Variants in NRXN3 observed in about 807,000 individuals in gnomAD.
The protein encoded by NRXN3 is neurexin 3, also known as neurexin III.
NRXN3 carries 32 observed loss-of-function variants against 137.6 expected under a neutral mutation model. The observed-to-expected ratio is 0.23, with a 90% confidence interval of 0.18 to 0.31. The LOEUF is 0.31. NRXN3 is among the 10% of genes least tolerant of loss of function. The pLI is 1.00. For missense variants in NRXN3, 1,574 were observed against 2,062.5 expected, an observed-to-expected ratio of 0.76 and a Z score of 4.59; for synonymous variants, 798 against 784.5, an observed-to-expected ratio of 1.02 and a Z score of -0.29.
intron 15 of NRXN3, among the ~76,000 whole-genome samples, chr14:79,344,127 C>T (rs938126971): frequency 3.3e-5 from 5 of 152,180 alleles, no homozygotes; most frequent in African/African-American, 1.2e-4. Flanking sequence ...TTTGAAGACT[C>T]CAAGAGGAAT....
chr14:78,489,523 A>G (rs995819794), intron 4 of NRXN3, among the ~76,000 whole-genome samples: 1 of 152,190 alleles, frequency 6.6e-6, no homozygotes, highest in Non-Finnish European at 1.5e-5. Context: ...CTCTGTGGGC[A>G]TAACTACTGT....
At chr14:78,688,015 T>C (rs1347632634) in intron 6 of NRXN3, among the ~76,000 whole-genome samples, 1 of 152,236 alleles carries the variant, frequency 6.6e-6, no homozygotes, top group Non-Finnish European at 1.5e-5. Flanking sequence ...GTGAAATCCA[T>C]ATTTCTTTTT....
chr14:78,251,102 C>T (rs1288925785), intron 2 of NRXN3, among the ~76,000 whole-genome samples: 3 of 152,184 alleles, frequency 2.0e-5, no homozygotes. Context: ...AGCACAGGTG[C>T]ACCACACCGG....
At chr14:79,515,586 C>G (rs554705947) in intron 16 of NRXN3, among the ~76,000 whole-genome samples, 1 of 141,666 alleles carries the variant, frequency 7.1e-6, no homozygotes, top group African/African-American at 3.1e-5. Flanking sequence ...CATGTGCATA[C>G]CCCTTAGCCT....
intron 19 of NRXN3, among the ~76,000 whole-genome samples, chr14:79,771,980 C>T (rs1361228531): frequency 3.0e-5 from 4 of 133,350 alleles, no homozygotes; most frequent in African/African-American, 1.1e-4. Context: ...TATACACCAA[C>T]AACAGACAAA....
intron 15 of NRXN3, among the ~76,000 whole-genome samples, chr14:79,290,960 A>G (rs1013171737): frequency 2.6e-5 from 4 of 152,240 alleles, no homozygotes; most frequent in Non-Finnish European, 5.9e-5. Flanking sequence ...TACATTTAAA[A>G]GTTTGAAAAG....
intron 4 of NRXN3, among the ~76,000 whole-genome samples, chr14:78,539,303 G>A (rs2096566174): frequency 6.6e-6 from 1 of 152,144 alleles, no homozygotes; most frequent in Non-Finnish European, 1.5e-5. Flanking sequence ...CCTGTTATTG[G>A]TCTATTCAGA....
chr14:79,796,945 CA>C (rs762389040), intron 19 of NRXN3, among the ~76,000 whole-genome samples: 9 of 152,204 alleles, frequency 5.9e-5, no homozygotes, highest in Non-Finnish European at 8.8e-5. Context: ...GGCAACTAAT[CA>C]GTGTTTTCTG....
intron 19 of NRXN3, among the ~76,000 whole-genome samples, chr14:79,778,172 T>C (rs2099103219): frequency 6.6e-6 from 1 of 152,054 alleles, no homozygotes; most frequent in African/African-American, 2.4e-5. Flanking sequence ...ATCCCAACAC[T>C]TTGGGAGGCC....
intron 1 of NRXN3, among the ~76,000 whole-genome samples, chr14:78,188,395 G>A (rs1042451353): frequency 6.6e-6 from 1 of 152,178 alleles, no homozygotes; most frequent in Non-Finnish European, 1.5e-5. Context: ...TGGAAAGACT[G>A]ATAGGGCATT....
chr14:79,417,734 C>G (rs901136545), intron 15 of NRXN3, among the ~76,000 whole-genome samples: 1 of 152,010 alleles, frequency 6.6e-6, no homozygotes, highest in South Asian at 2.1e-4. Flanking sequence ...TAGAGACATA[C>G]AGTATTTCAT....
At chr14:78,948,820 C>G (rs1276743928) in intron 10 of NRXN3, among the ~76,000 whole-genome samples, 2 of 152,012 alleles carry the variant, frequency 1.3e-5, no homozygotes, top group African/African-American at 2.4e-5. Context: ...TCACCCTAGT[C>G]CTCTTTCAGT....
chr14:79,596,737 C>T (rs1486472093), intron 16 of NRXN3, among the ~76,000 whole-genome samples: 1 of 151,826 alleles, frequency 6.6e-6, no homozygotes, highest in Non-Finnish European at 1.5e-5. Flanking sequence ...TGTCTCTGGT[C>T]GGGGAGGGGT....
At chr14:79,385,058 G>A (rs369758513) in intron 15 of NRXN3, among the ~76,000 whole-genome samples, 1 of 151,886 alleles carries the variant, frequency 6.6e-6, no homozygotes, top group Admixed American at 6.6e-5. Flanking sequence ...TAATTTAGAT[G>A]GTGTCTTTTT....
At chr14:78,464,985 A>G (rs1264058512) in intron 4 of NRXN3, among the ~76,000 whole-genome samples, 1 of 152,164 alleles carries the variant, frequency 6.6e-6, no homozygotes, top group Non-Finnish European at 1.5e-5. Flanking sequence ...TTGATTCTAA[A>G]GAGTTTGTTT....
intron 4 of NRXN3, among the ~76,000 whole-genome samples, chr14:78,594,409 C>A (rs2097142647): frequency 6.6e-6 from 1 of 152,152 alleles, no homozygotes. Context: ...CAATTCTGAT[C>A]TCTGTTCTTC....
At chr14:79,510,231 C>T (rs8020593) in intron 16 of NRXN3, among the ~76,000 whole-genome samples, 58,717 of 151,992 alleles carry the variant, frequency 0.39, 11,361 homozygotes, top group South Asian at 0.46. Flanking sequence ...TAGGGGTTCT[C>T]GGGATTCGTT....
intron 4 of NRXN3, among the ~76,000 whole-genome samples, chr14:78,465,367 TA>T (rs1277307630): frequency 6.6e-6 from 1 of 152,120 alleles, no homozygotes; most frequent in African/African-American, 2.4e-5. Flanking sequence ...TGAGAACTAT[TA>T]AATGATGTGA....
intron 8 of NRXN3, among the ~76,000 whole-genome samples, chr14:78,775,235 T>C (rs2098741163): frequency 6.6e-6 from 1 of 152,188 alleles, no homozygotes; most frequent in South Asian, 2.1e-4. Flanking sequence ...TACAATCTTG[T>C]TAGGGGTGTG....
Sources: allele counts gnomAD v4.1 joint callset (sites outside exome capture counted in the v4.1 genomes callset), GRCh38; gene constraint gnomAD v4.1.1; transcripts MANE v1.5; gene names NCBI Gene and HGNC (gene_info 2026-07-23, HGNC 2026-07-21).